The following CMSS1 variants were observed in gnomAD, a reference collection of about 807,000 sequenced individuals.
CMSS1 encodes the protein cms1 ribosomal small subunit homolog.
CMSS1 carries 33 observed loss-of-function variants against 43.5 expected under a neutral mutation model. The ratio of observed to expected loss-of-function variants is 0.76; its 90% confidence interval spans 0.57 to 1.01. CMSS1 has a LOEUF of 1.01. CMSS1 is among the 50% of genes least tolerant of loss of function. The pLI is 0.00. For missense variants in CMSS1, 313 were observed against 326.4 expected (o/e 0.96, Z 0.32); for synonymous variants, 115 against 117.2 (o/e 0.98, Z 0.12).
intron 1 of CMSS1, among the ~76,000 whole-genome samples, chr3:99,996,519 A>G (rs1709686444): frequency 6.6e-6 from 1 of 152,096 alleles, no homozygotes; most frequent in Non-Finnish European, 1.5e-5. Context: ...CTTTTCAGCA[A>G]TGCCCCACTC....
intron 1 of CMSS1, among the ~76,000 whole-genome samples, chr3:100,097,930 T>C (rs2066238888): frequency 6.6e-6 from 1 of 152,226 alleles, no homozygotes; most frequent in African/African-American, 2.4e-5. Context: ...TCATTTATTT[T>C]GTTGGTTTTT....
At chr3:99,853,084 G>A (rs751458787) in intron 1 of CMSS1, among the ~76,000 whole-genome samples, 8 of 152,134 alleles carry the variant, frequency 5.3e-5, no homozygotes, top group Non-Finnish European at 7.3e-5. Context: ...ATCCCTATCT[G>A]AGACACATGA....
At chr3:100,151,887 C>T (rs1349788172) in intron 2 of CMSS1, among the ~76,000 whole-genome samples, 1 of 152,178 alleles carries the variant, frequency 6.6e-6, no homozygotes, top group Admixed American at 6.5e-5. Flanking sequence ...GCAGTTGGGG[C>T]TCCTCAGTTT....
intron 1 of CMSS1, among the ~76,000 whole-genome samples, chr3:99,841,840 G>A (rs920246846): frequency 6.6e-5 from 10 of 152,136 alleles, no homozygotes; most frequent in African/African-American, 2.4e-4. Flanking sequence ...AATAATAGAT[G>A]TTGGTGTGGA....
chr3:100,019,850 T>C (rs1194277317), intron 1 of CMSS1, among the ~76,000 whole-genome samples: 1 of 152,210 alleles, frequency 6.6e-6, no homozygotes, highest in Non-Finnish European at 1.5e-5. Context: ...TTTAATGTAC[T>C]TGGCATGTAT....
chr3:100,011,205 T>TA (rs1710146210), intron 1 of CMSS1, among the ~76,000 whole-genome samples: 1 of 152,174 alleles, frequency 6.6e-6, no homozygotes, highest in Non-Finnish European at 1.5e-5. Flanking sequence ...CTATATTTGA[T>TA]ACACTTTCTG....
At chr3:100,122,626 A>G (rs993863591) in intron 1 of CMSS1, among the ~76,000 whole-genome samples, 40 of 152,162 alleles carry the variant, frequency 2.6e-4, no homozygotes, top group Non-Finnish European at 4.4e-4. Context: ...CATAATAGGA[A>G]CTCTGCTCTC....
chr3:99,901,142 A>G (rs1706422579), intron 1 of CMSS1, among the ~76,000 whole-genome samples: 1 of 152,242 alleles, frequency 6.6e-6, no homozygotes, highest in Non-Finnish European at 1.5e-5. Context: ...AGTAAGCTTT[A>G]GTATTGCTTT....
intron 1 of CMSS1, among the ~76,000 whole-genome samples, chr3:100,101,892 T>G (rs1464468203): frequency 6.6e-6 from 1 of 152,136 alleles, no homozygotes; most frequent in Non-Finnish European, 1.5e-5. Context: ...GTCCTTGCGA[T>G]AGTTTGCTGA....
Position 100,026,006 on chromosome 3 carries a change from A to G in CMSS1, c.65-120967A>G, listed in dbSNP as rs891162843. Among the ~76,000 whole-genome samples the G allele has an allele frequency of 5.9e-5, 9 of 152,186 alleles. No homozygotes were observed. The South Asian group carries it at 6.2e-4, about 10-fold the overall frequency. Reference sequence around the variant, plus strand: ...CAAGTACCTTACCTCGCTCCCAGGCAATATGGACACAGACTATGACCTGAG... The same window carrying G: ...CAAGTACCTTACCTCGCTCCCAGGCGATATGGACACAGACTATGACCTGAG... On this transcript the variant is annotated intron_variant, in intron 1 of 9. Coordinates refer to ENST00000421999, the MANE Select transcript of CMSS1 (RefSeq NM_032359.4).
intron 1 of CMSS1, among the ~76,000 whole-genome samples, chr3:100,056,519 C>A (rs1484523477): frequency 6.6e-6 from 1 of 152,152 alleles, no homozygotes; most frequent in East Asian, 1.9e-4. Flanking sequence ...CTAGAGATAT[C>A]ATTAACATTT....
chr3:100,021,948 TGTGTGTGTGTGTGA>T (rs1394858090), intron 1 of CMSS1, among the ~76,000 whole-genome samples: 22 of 129,654 alleles, frequency 1.7e-4, no homozygotes, highest in East Asian at 6.8e-4. Context: ...TGTGTGTGTG[TGTGTGTGTGTGTGA>T]GAGAGAGAGA....
rs372595024 is a variant in CMSS1 at position 99,848,312 on chromosome 3, G to A, written c.64+30269G>A. 114 of 1,614,034 alleles carry A rather than the reference G, an allele frequency of 7.1e-5. No homozygotes were observed. The Middle Eastern group carries it at 1.3e-3, about 19-fold the overall frequency. ...TTACTTACTGTAATTTGTGATTGTC[G>A]AGGAAGAGGTGTGGCTGTTGGTGTG... On this transcript the variant is annotated intron_variant, in intron 1 of 9. Coordinates refer to ENST00000421999, the MANE Select transcript of CMSS1 (RefSeq NM_032359.4).
intron 4 of CMSS1, among the ~76,000 whole-genome samples, chr3:100,163,778 G>C (rs2067045038): frequency 6.6e-6 from 1 of 152,150 alleles, no homozygotes; most frequent in African/African-American, 2.4e-5. Context: ...GGAGGAAATA[G>C]ATGTTGTCAT....
rs192675643 is a variant in CMSS1, at chr3:99,841,134, C to T, written c.64+23091C>T. 3.3e-5 allele frequency among the ~76,000 whole-genome samples: 5 copies of T among 152,314 alleles called. No individual in the cohort carries two copies. The East Asian group carries it at 7.7e-4, about 24-fold the overall frequency. On this transcript the variant is annotated intron_variant, in intron 1 of 9. Coordinates refer to ENST00000421999, the MANE Select transcript of CMSS1 (RefSeq NM_032359.4). The stretch of plus-strand genomic sequence containing the variant: ...TGTACATGTGATGCTTTGAAGAAAA[C>T]ATATTGCATACTAAGACACTGCGCA...
At chr3:99,999,722 A>G (rs1255439018) in intron 1 of CMSS1, among the ~76,000 whole-genome samples, 2 of 152,212 alleles carry the variant, frequency 1.3e-5, no homozygotes, top group Non-Finnish European at 2.9e-5. Flanking sequence ...AAAAGGTCCC[A>G]ATTAAAAGCC....
intron 1 of CMSS1, among the ~76,000 whole-genome samples, chr3:100,002,048 G>A (rs1431363144): frequency 1.3e-5 from 2 of 152,116 alleles, no homozygotes; most frequent in Non-Finnish European, 2.9e-5. Context: ...CTGGTGATGC[G>A]TGTGTGACTG....
intron 1 of CMSS1, among the ~76,000 whole-genome samples, chr3:100,092,991 G>A (rs1472792170): frequency 1.3e-5 from 2 of 152,040 alleles, no homozygotes; most frequent in South Asian, 4.2e-4. Context: ...GATGCTAAAG[G>A]TTCCATAAAT....
intron 1 of CMSS1, among the ~76,000 whole-genome samples, chr3:100,035,809 A>C (rs1207519157): frequency 6.6e-6 from 1 of 152,200 alleles, no homozygotes; most frequent in Admixed American, 6.5e-5. Context: ...GCAGTCATCA[A>C]CTCATGGCCA....
Sources: gnomAD v4.1 joint callset for allele counts (sites outside exome capture counted in the v4.1 genomes callset) on GRCh38, gnomAD v4.1.1 for gene constraint, MANE v1.5 for transcripts, NCBI Gene and HGNC (gene_info 2026-07-23, HGNC 2026-07-21) for gene names.